The following ENTPD1 variants were observed in gnomAD, a reference collection of about 807,000 sequenced individuals.
The protein encoded by ENTPD1 is ectonucleoside triphosphate diphosphohydrolase 1, also known as ATP diphosphohydrolase.
Under a neutral mutation model 57.0 loss-of-function variants are expected in ENTPD1, and 33 were observed. That is an observed-to-expected ratio of 0.58 (90% CI 0.44 to 0.77). The LOEUF (loss-of-function observed/expected upper bound fraction) is 0.77. Among genes scored for constraint, ENTPD1 ranks in the 30% least tolerant of loss-of-function variants. ENTPD1 has a pLI of 0.00. For synonymous variants in ENTPD1, 202 were observed against 218.8 expected, an observed-to-expected ratio of 0.92 and a Z score of 0.68; for missense variants, 501 against 603.4, an observed-to-expected ratio of 0.83 and a Z score of 1.78.
chr10:95,750,278 C>T (rs1016787665), intron 1 of ENTPD1, among the ~76,000 whole-genome samples: 1 of 152,186 alleles, frequency 6.6e-6, no homozygotes, highest in Non-Finnish European at 1.5e-5. Flanking sequence ...ATATTTGTCA[C>T]TTCCAAATTT....
At chr10:95,823,115 G>C (rs1333056290) in intron 1 of ENTPD1, 122 bp from the exon 2 acceptor site, 2 of 1,164,762 alleles carry the variant, frequency 1.7e-6, no homozygotes, top group Non-Finnish European at 2.5e-6. Flanking sequence ...TGATAAAAAA[G>C]ATTGGCTTTT....
At chr10:95,817,239 A>T (rs7083960) in intron 1 of ENTPD1, among the ~76,000 whole-genome samples, 81,994 of 151,950 alleles carry the variant, frequency 0.54, 22,554 homozygotes, top group Admixed American at 0.63. Context: ...GAAGGCTGTC[A>T]CATGTGATTA....
chr10:95,847,532 C>T lies in ENTPD1; in HGVS notation c.900C>T (p.Pro300=), dbSNP rs752608661. The change falls in exon 7 of 10, where the codon CCC becomes CCT. Residue 300 remains proline, a synonymous_variant. Coordinates refer to ENST00000371205, the MANE Select transcript of ENTPD1 (RefSeq NM_001776.6). ...ACGTAAGTGACCTTTACAAGACCCC[C>T]TGCACCAAGAGATTTGAGATGACTC... The part of the protein sequence containing the change: ...VVNVSDLYKT[P]CTKRFEMTLP... 1 of 1,614,184 alleles carries T rather than the reference C, an allele frequency of 6.2e-7. No homozygotes were observed. Among genetic ancestry groups the T allele is most frequent in the Non-Finnish European group, 8.5e-7 (1 of 1,180,028 alleles).
Position 95,721,138 on chromosome 10 carries a change from A to T in ENTPD1, c.37+9145A>T, listed in dbSNP as rs908603307. On this transcript the variant is annotated intron_variant, in intron 1 of 9. Coordinates refer to the ENTPD1 transcript ENST00000453258. ...AGGTGACAGAGAGGTATGCTTCCTC[A>T]GTGCCTCCCTTAGTCTCTCCAGAAA... 1.3e-4 allele frequency among the ~76,000 whole-genome samples: 20 copies of T among 152,288 alleles called. No individual in the cohort carries two copies. In the East Asian group the frequency reaches 3.5e-3, roughly 26 times the overall value.
intron 2 of ENTPD1, among the ~76,000 whole-genome samples, chr10:95,825,095 A>G (rs2098369300): frequency 6.6e-6 from 1 of 152,252 alleles, no homozygotes; most frequent in Non-Finnish European, 1.5e-5. Flanking sequence ...CACTAGCCAC[A>G]TGCAGCTCTT....
chr10:95,745,791 G>A (rs1475120754), intron 1 of ENTPD1, among the ~76,000 whole-genome samples: 1 of 152,172 alleles, frequency 6.6e-6, no homozygotes, highest in East Asian at 1.9e-4. Flanking sequence ...TGTGCTTGAA[G>A]CTGCTGTGCT....
chr10:95,735,959 G>A (rs1198023346), intron 1 of ENTPD1, among the ~76,000 whole-genome samples: 1 of 151,710 alleles, frequency 6.6e-6, no homozygotes, highest in Non-Finnish European at 1.5e-5. Context: ...GAAAACAATA[G>A]GAGTTGTTAC....
At chr10:95,821,584 G>A (rs912930206) in intron 1 of ENTPD1, among the ~76,000 whole-genome samples, 1 of 152,206 alleles carries the variant, frequency 6.6e-6, no homozygotes, top group Non-Finnish European at 1.5e-5. Context: ...GCAAGCATCT[G>A]AACAAAATGG....
chr10:95,855,183 A>C (rs1259823859), intron 7 of ENTPD1, among the ~76,000 whole-genome samples: 5 of 151,878 alleles, frequency 3.3e-5, no homozygotes, highest in African/African-American at 1.2e-4. Context: ...TCCCTTTACC[A>C]TTATGTAATG....
intron 1 of ENTPD1, among the ~76,000 whole-genome samples, chr10:95,812,295 G>C (rs528900254): frequency 3.7e-4 from 57 of 152,240 alleles, no homozygotes; most frequent in African/African-American, 1.3e-3. Context: ...TCTGTTCTTA[G>C]TTTTGCCTTT....
chr10:95,850,379 T>C (rs1376719058), intron 7 of ENTPD1, among the ~76,000 whole-genome samples: 1 of 152,202 alleles, frequency 6.6e-6, no homozygotes, highest in East Asian at 1.9e-4. Context: ...CTCTGTAATG[T>C]ATCCCTAAGA....
chr10:95,802,614 C>CA (rs1366160001), intron 1 of ENTPD1, among the ~76,000 whole-genome samples: 2 of 152,146 alleles, frequency 1.3e-5, no homozygotes, highest in Non-Finnish European at 2.9e-5. Flanking sequence ...CCAAACCCCC[C>CA]ACACCATGAC....
intron 1 of ENTPD1, among the ~76,000 whole-genome samples, chr10:95,733,311 A>G (rs929484053): frequency 1.3e-5 from 2 of 152,188 alleles, no homozygotes; most frequent in African/African-American, 4.8e-5. Context: ...TGTTCCATGA[A>G]CATCACTGTT....
intron 2 of ENTPD1, among the ~76,000 whole-genome samples, chr10:95,831,466 G>A (rs1271887185): frequency 1.3e-5 from 2 of 152,244 alleles, no homozygotes; most frequent in African/African-American, 4.8e-5. Context: ...ATTACTGTGA[G>A]AATTCAGTGG....
chr10:95,823,423 G>C (rs1297284862), intron 2 of ENTPD1, 59 bp downstream of exon 2: 2 of 1,610,008 alleles, frequency 1.2e-6, no homozygotes, highest in East Asian at 2.2e-5. Context: ...GGTGGGACAG[G>C]GGGAGGAGGG....
chr10:95,866,146 A>G (rs1286835768), intron 9 of ENTPD1, 31 bp from the exon 10 acceptor site: 1 of 1,601,498 alleles, frequency 6.2e-7, no homozygotes, highest in Non-Finnish European at 8.5e-7. Context: ...AACTCCTCCA[A>G]CCACAAACAG....
Position 95,873,006 on chromosome 10 carries a change from A to G in ENTPD1, c.*6623A>G, listed in dbSNP as rs1157356613. On this transcript the variant is annotated 3_prime_UTR_variant, in exon 10 of 10. Transcript: ENST00000371205. The stretch of plus-strand genomic sequence containing the variant: ...GAACCTTAAAAGATCATGCATCTCA[A>G]AATTTAATGTACATACAAATTACCC... 2 of 982,906 alleles carry G rather than the reference A, an allele frequency of 2.0e-6. No homozygotes were observed. The highest frequency in any genetic ancestry group is 2.4e-6 in the Non-Finnish European group (2 of 827,786). 60.9% of individuals were successfully genotyped at this position (982,906 alleles called of 1,614,324 possible).
chr10:95,714,687 T>A (rs948331398), intron 1 of ENTPD1, among the ~76,000 whole-genome samples: 2 of 152,238 alleles, frequency 1.3e-5, no homozygotes, highest in Non-Finnish European at 2.9e-5. Flanking sequence ...ACAAATGCTA[T>A]CATTTATTTA....
the ENTPD1 span, among the ~76,000 whole-genome samples, chr10:95,700,542 C>T: frequency 6.6e-6 from 1 of 151,790 alleles, no homozygotes; most frequent in Non-Finnish European, 1.5e-5. Flanking sequence ...AAAAAAAATA[C>T]CTGGGCATGG....
Sources: gnomAD v4.1 joint callset for allele counts (sites outside exome capture counted in the v4.1 genomes callset) on GRCh38, gnomAD v4.1.1 for gene constraint, MANE v1.5 for transcripts, NCBI Gene and HGNC (gene_info 2026-07-23, HGNC 2026-07-21) for gene names.